KPNA6: variants seen among roughly 807,000 people sequenced by gnomAD.
KPNA6 encodes importin subunit alpha-7.
KPNA6 carries 9 observed loss-of-function variants against 72.0 expected under a neutral mutation model. That is an observed-to-expected ratio of 0.13 (90% CI 0.08 to 0.22). The LOEUF (loss-of-function observed/expected upper bound fraction) is 0.22, where lower values mean the gene tolerates loss of function less well. Among genes scored for constraint, KPNA6 ranks in the 10% least tolerant of loss-of-function variants. The probability of loss-of-function intolerance (pLI) is 1.00; values close to 1 mark genes in which losing one functional copy is unlikely to be tolerated. For synonymous variants in KPNA6, 219 were observed against 242.1 expected (o/e 0.90, Z 0.89); for missense variants, 374 against 655.7 (o/e 0.57, Z 4.69).
intron 13 of KPNA6, 87 bp from the exon 14 acceptor site, chr1:32,170,620 A>G: frequency 9.3e-7 from 1 of 1,080,842 alleles, no homozygotes; most frequent in Non-Finnish European, 1.4e-6. Flanking sequence ...GCACTAACAT[A>G]CCTCAGGGAA....
intron 1 of KPNA6, among the ~76,000 whole-genome samples, chr1:32,110,090 AT>A (rs1641220315): frequency 7.0e-6 from 1 of 143,050 alleles, no homozygotes; most frequent in Non-Finnish European, 1.5e-5. Context: ...CTGAGAAGAA[AT>A]TTCACTCTTG....
At chr1:32,129,449 T>C (rs1049412839) in intron 1 of KPNA6, among the ~76,000 whole-genome samples, 3 of 152,152 alleles carry the variant, frequency 2.0e-5, no homozygotes, top group African/African-American at 4.8e-5. Flanking sequence ...TCCTTTGAGG[T>C]GACAGCCTTC....
intron 12 of KPNA6, 31 bp from the exon 13 acceptor site, chr1:32,169,851 G>A (rs199621686): frequency 1.2e-6 from 2 of 1,607,262 alleles, no homozygotes; most frequent in Non-Finnish European, 1.7e-6. Context: ...TCCTGTACTA[G>A]TTTAGCACTT....
chr1:32,151,364 C>T (rs1009782566), intron 1 of KPNA6, among the ~76,000 whole-genome samples: 13 of 152,174 alleles, frequency 8.5e-5, no homozygotes, highest in African/African-American at 2.7e-4. Flanking sequence ...CAGCCCTGTG[C>T]GAGCTCTGGG....
In KPNA6 at chr1:32,158,287, G is replaced by A; in HGVS notation, c.352G>A (p.Glu118Lys). Residue 118 changes from glutamate to lysine, a missense_variant, in exon 5 of 14, where the codon GAA (glutamate) becomes AAA (lysine). By Grantham distance (56) the Glu-to-Lys change is moderately conservative (BLOSUM62 1). Transcript: ENST00000373625. ...LSKEPSPPID[E>K]VINTPRVVDR... ...TCCAGAGCCTAGTCCTCCAATAGAT[G>A]AAGTTATCAACACTCCAAGAGTGGT... The A allele has an allele frequency of 6.2e-7, 1 of 1,612,524 alleles. No individual in the cohort carries two copies. Among genetic ancestry groups the A allele is most frequent in the Non-Finnish European group, 8.5e-7 (1 of 1,178,688 alleles).
At chr1:32,131,895 T>C (rs1356137270) in intron 1 of KPNA6, among the ~76,000 whole-genome samples, 2 of 151,854 alleles carry the variant, frequency 1.3e-5, no homozygotes, top group African/African-American at 4.8e-5. Context: ...AGGGATACTA[T>C]ACAAATGAGG....
Position 32,161,996 on chromosome 1 carries a change from G to A in KPNA6, c.697G>A (p.Ala233Thr). ...RLTMTRNAVW[A>T]LSNLCRGKNP... is the part of the protein sequence containing the mutation. ...GACGATGACACGGAATGCAGTCTGGGCCCTGTCAAATCTCTGCCGAGGGAA... is the reference window on the plus strand; with the variant it reads ...GACGATGACACGGAATGCAGTCTGGACCCTGTCAAATCTCTGCCGAGGGAA... The change falls in exon 8 of 14, where the codon GCC (alanine) becomes ACC (threonine). Residue 233 changes from alanine to threonine, a missense_variant. Around this residue, in one of 3 missense-constraint regions of KPNA6, gnomAD observed 298 missense variants for 495.4 expected, o/e 0.60. Coordinates refer to ENST00000373625, the MANE Select transcript of KPNA6 (RefSeq NM_012316.5). 6.2e-7 allele frequency: 1 copy of A among 1,614,110 alleles called. No homozygotes were observed. Among genetic ancestry groups the A allele is most frequent in the Non-Finnish European group, 8.5e-7 (1 of 1,180,024 alleles).
intron 1 of KPNA6, among the ~76,000 whole-genome samples, chr1:32,122,468 G>A (rs1001295057): frequency 2.0e-5 from 3 of 152,014 alleles, no homozygotes; most frequent in African/African-American, 7.2e-5. Flanking sequence ...TGATGGCATG[G>A]AAGTGCTAAG....
At chr1:32,154,223 G>A (rs1308677735) in intron 1 of KPNA6, among the ~76,000 whole-genome samples, 1 of 151,984 alleles carries the variant, frequency 6.6e-6, no homozygotes, top group Non-Finnish European at 1.5e-5. Context: ...TGTGCCTGAT[G>A]TGTTCCTGTT....
At chr1:32,143,958 G>C (rs555762112) in intron 1 of KPNA6, among the ~76,000 whole-genome samples, 5 of 152,118 alleles carry the variant, frequency 3.3e-5, no homozygotes, top group Admixed American at 2.6e-4. Context: ...TCCATATGCA[G>C]TAGTCCTTGC....
At chr1:32,123,365 T>A (rs1473132013) in intron 1 of KPNA6, among the ~76,000 whole-genome samples, 2 of 152,130 alleles carry the variant, frequency 1.3e-5, no homozygotes, top group South Asian at 4.1e-4. Context: ...AGATAAACTC[T>A]GTATCTTTTT....
At chr1:32,113,203 C>A (rs1641269337) in intron 1 of KPNA6, among the ~76,000 whole-genome samples, 3 of 151,948 alleles carry the variant, frequency 2.0e-5, no homozygotes, top group African/African-American at 7.3e-5. Flanking sequence ...CCAGCCTGGG[C>A]AACATAGTGA....
intron 10 of KPNA6, 105 bp downstream of exon 10, chr1:32,163,418 G>A (rs907016593): frequency 1.3e-6 from 1 of 773,420 alleles, no homozygotes. Flanking sequence ...GTCCTGATGG[G>A]AGGCACTATG....
chr1:32,161,868 G>A, intron 7 of KPNA6, 79 bp from the exon 8 acceptor site: 1 of 1,040,036 alleles, frequency 9.6e-7, no homozygotes. Context: ...GGTCTCATTG[G>A]ATTTGTCTCT....
chr1:32,128,199 T>C (rs904323207), intron 1 of KPNA6, among the ~76,000 whole-genome samples: 1 of 151,564 alleles, frequency 6.6e-6, no homozygotes, highest in African/African-American at 2.4e-5. Flanking sequence ...CTGTTTGGAC[T>C]ATAGTTATCC....
intron 1 of KPNA6, among the ~76,000 whole-genome samples, chr1:32,127,842 C>T (rs1347618824): frequency 6.6e-6 from 1 of 152,172 alleles, no homozygotes; most frequent in Non-Finnish European, 1.5e-5. Flanking sequence ...ACTCATTGTA[C>T]AGTTACATTC....
At chr1:32,130,882 AATAG>A (rs1418010643) in intron 1 of KPNA6, among the ~76,000 whole-genome samples, 2 of 152,258 alleles carry the variant, frequency 1.3e-5, no homozygotes, top group Non-Finnish European at 2.9e-5. Flanking sequence ...GCCTAAAAAG[AATAG>A]ATAAACATAT....
chr1:32,160,317 A>C (rs1437793281), intron 6 of KPNA6, among the ~76,000 whole-genome samples: 2 of 152,084 alleles, frequency 1.3e-5, no homozygotes, highest in African/African-American at 4.8e-5. Flanking sequence ...AAAAAAAAAA[A>C]AAATGCAACT....
chr1:32,122,068 G>A (rs902606459), intron 1 of KPNA6, among the ~76,000 whole-genome samples: 1 of 151,996 alleles, frequency 6.6e-6, no homozygotes, highest in African/African-American at 2.4e-5. Context: ...GAGGTCAGGA[G>A]TTCGAGAGCA....
Sources: gnomAD v4.1 joint callset for allele counts (sites outside exome capture counted in the v4.1 genomes callset) on GRCh38, gnomAD v4.1.1 for gene constraint, gnomAD v4.1.1 regional missense constraint, MANE v1.5 for transcripts, NCBI Gene and HGNC (gene_info 2026-07-23, HGNC 2026-07-21) for gene names.